The following SUPT3H variants were observed in gnomAD, a reference collection of about 807,000 sequenced individuals.
SUPT3H encodes SPT3 homolog, SAGA and STAGA complex component.
A neutral mutation model predicts 44.3 loss-of-function variants in SUPT3H; 44 were observed. The observed-to-expected ratio is 0.99, with a 90% CI of 0.78 to 1.28. The LOEUF (loss-of-function observed/expected upper bound fraction) is 1.28, where lower values mean the gene tolerates loss of function less well. SUPT3H is among the 50% of genes most tolerant of loss of function. SUPT3H has a pLI of 0.00. For synonymous variants in SUPT3H, 124 were observed against 125.6 expected (o/e 0.99, Z 0.09); for missense variants, 380 against 387.1 (o/e 0.98, Z 0.15).
chr6:45,008,525 A>AT (rs1262945485), intron 5 of SUPT3H, among the ~76,000 whole-genome samples: 22 of 149,660 alleles, frequency 1.5e-4, no homozygotes, highest in South Asian at 1.1e-3. Flanking sequence ...TGGCTAATTA[A>AT]TTTTTTTTTT....
At chr6:45,043,630 G>A (rs1788933728) in intron 3 of SUPT3H, among the ~76,000 whole-genome samples, 1 of 151,952 alleles carries the variant, frequency 6.6e-6, no homozygotes, top group African/African-American at 2.4e-5. Context: ...GTGAAAACAT[G>A]GAAAGCAAAA....
At chr6:45,011,739 AG>A (rs1380853278) in intron 5 of SUPT3H, among the ~76,000 whole-genome samples, 1 of 152,084 alleles carries the variant, frequency 6.6e-6, no homozygotes, top group Non-Finnish European at 1.5e-5. Flanking sequence ...TATTTGGTGC[AG>A]CTTGCTTTTA....
chr6:44,865,210 C>T (rs953350078), intron 10 of SUPT3H, among the ~76,000 whole-genome samples: 3 of 152,162 alleles, frequency 2.0e-5, no homozygotes, highest in Non-Finnish European at 4.4e-5. Flanking sequence ...TTTCACTGTC[C>T]ACTCCATATC....
At chr6:44,963,771 G>A (rs1041750369) in intron 6 of SUPT3H, among the ~76,000 whole-genome samples, 14 of 152,068 alleles carry the variant, frequency 9.2e-5, no homozygotes, top group African/African-American at 2.7e-4. Flanking sequence ...AGGCTGAGGC[G>A]GGTGGATCAT....
intron 9 of SUPT3H, among the ~76,000 whole-genome samples, chr6:44,948,697 T>C (rs1187892993): frequency 6.6e-6 from 1 of 152,064 alleles, no homozygotes; most frequent in Non-Finnish European, 1.5e-5. Flanking sequence ...TGAGATACCA[T>C]CTCACACCAC....
chr6:45,062,196 G>T (rs925285822), intron 3 of SUPT3H, among the ~76,000 whole-genome samples: 4 of 151,926 alleles, frequency 2.6e-5, no homozygotes, highest in South Asian at 2.1e-4. Context: ...TAAAGTTGTT[G>T]TAATACTGTT....
intron 3 of SUPT3H, among the ~76,000 whole-genome samples, chr6:45,022,137 C>T (rs147929307): frequency 3.3e-5 from 5 of 152,102 alleles, no homozygotes; most frequent in East Asian, 1.9e-4. Context: ...TGTCTGGACA[C>T]ATACACAGTA....
At chr6:45,357,428 G>C (rs546489828) in intron 2 of SUPT3H, among the ~76,000 whole-genome samples, 2 of 149,876 alleles carry the variant, frequency 1.3e-5, no homozygotes, top group East Asian at 3.9e-4. Flanking sequence ...CCTCCTAGGT[G>C]CAAGTGATCC....
intron 2 of SUPT3H, among the ~76,000 whole-genome samples, chr6:45,351,976 G>C (rs947958138): frequency 6.6e-6 from 1 of 151,974 alleles, no homozygotes; most frequent in Non-Finnish European, 1.5e-5. Context: ...TAATTCTACC[G>C]CTGACACAAC....
chr6:45,112,826 T>C (rs889253891), intron 2 of SUPT3H, among the ~76,000 whole-genome samples: 14 of 152,190 alleles, frequency 9.2e-5, no homozygotes, highest in African/African-American at 3.4e-4. Context: ...TAAAGAGATG[T>C]TTCTTTACTG....
intron 2 of SUPT3H, among the ~76,000 whole-genome samples, chr6:45,273,866 T>C (rs541836779): frequency 6.6e-5 from 10 of 152,328 alleles, no homozygotes; most frequent in South Asian, 2.1e-4. Flanking sequence ...GAAATCTGTA[T>C]TCATTTAACC....
intron 6 of SUPT3H, among the ~76,000 whole-genome samples, chr6:44,983,798 C>G (rs1356037112): frequency 6.6e-6 from 1 of 152,120 alleles, no homozygotes; most frequent in Non-Finnish European, 1.5e-5. Context: ...TGTTTTTTAA[C>G]TGAAAGAGCT....
At chr6:44,860,485 T>C (rs1774475002) in intron 10 of SUPT3H, among the ~76,000 whole-genome samples, 1 of 152,208 alleles carries the variant, frequency 6.6e-6, no homozygotes, top group South Asian at 2.1e-4. Flanking sequence ...ACAGTTGAGC[T>C]TGAGTGACTT....
chr6:44,983,212 T>A (rs1366363676), intron 6 of SUPT3H, among the ~76,000 whole-genome samples: 2 of 152,150 alleles, frequency 1.3e-5, no homozygotes, highest in Non-Finnish European at 2.9e-5. Flanking sequence ...TATTTGTAGA[T>A]CACCATAGCC....
chr6:44,924,012 A>T (rs560397379), intron 10 of SUPT3H, among the ~76,000 whole-genome samples: 2 of 152,220 alleles, frequency 1.3e-5, no homozygotes, highest in Non-Finnish European at 2.9e-5. Flanking sequence ...TCCTCAGATG[A>T]CGGAGATTTT....
chr6:45,198,139 C>T (rs1489473423), intron 2 of SUPT3H, among the ~76,000 whole-genome samples: 1 of 151,288 alleles, frequency 6.6e-6, no homozygotes, highest in Non-Finnish European at 1.5e-5. Flanking sequence ...GATACTTAAT[C>T]ATATCTTCTT....
At chr6:45,077,115 A>G (rs1301002345) in intron 3 of SUPT3H, among the ~76,000 whole-genome samples, 2 of 152,144 alleles carry the variant, frequency 1.3e-5, no homozygotes, top group Non-Finnish European at 2.9e-5. Flanking sequence ...CCAGCATAAA[A>G]ATGATTTCCC....
At chr6:45,193,767 T>C (rs1815534470) in intron 2 of SUPT3H, among the ~76,000 whole-genome samples, 1 of 152,110 alleles carries the variant, frequency 6.6e-6, no homozygotes, top group Admixed American at 6.6e-5. Context: ...TTAGAAAAGT[T>C]CAATCAGTAG....
intron 2 of SUPT3H, among the ~76,000 whole-genome samples, chr6:45,257,551 T>A (rs1773614037): frequency 6.6e-6 from 1 of 152,202 alleles, no homozygotes; most frequent in Non-Finnish European, 1.5e-5. Context: ...CAGTCATCGT[T>A]GTTTCAGTCT....
Sources: gnomAD v4.1 joint callset for allele counts (sites outside exome capture counted in the v4.1 genomes callset) on GRCh38, gnomAD v4.1.1 for gene constraint, MANE v1.5 for transcripts, NCBI Gene and HGNC (gene_info 2026-07-23, HGNC 2026-07-21) for gene names.